Variants in FAM193A observed in about 807,000 individuals in gnomAD.
The protein encoded by FAM193A is protein FAM193A.
Under a neutral mutation model 126.5 loss-of-function variants are expected in FAM193A, and 22 were observed. The ratio of observed to expected loss-of-function variants is 0.17; its 90% CI spans 0.12 to 0.25. The LOEUF (loss-of-function observed/expected upper bound fraction) is 0.25. Among genes scored for constraint, FAM193A ranks in the 10% least tolerant of loss-of-function variants. The pLI is 1.00. For synonymous variants in FAM193A, 761 were observed against 646.8 expected (o/e 1.18, Z -2.68); for missense variants, 1,675 against 1,672.8 (o/e 1.00, Z -0.02).
At chr4:2,580,013 G>C (rs956953430) in intron 1 of FAM193A, among the ~76,000 whole-genome samples, 2 of 152,096 alleles carry the variant, frequency 1.3e-5, no homozygotes, top group Non-Finnish European at 2.9e-5. Context: ...CAATAGCAGA[G>C]ACATGGAATC....
intron 1 of FAM193A, among the ~76,000 whole-genome samples, chr4:2,553,421 G>C (rs1331536470): frequency 1.5e-5 from 2 of 133,766 alleles, no homozygotes; most frequent in Non-Finnish European, 3.1e-5. Flanking sequence ...TCACACTGTC[G>C]CCAGGTTAGA....
intron 1 of FAM193A, among the ~76,000 whole-genome samples, chr4:2,575,527 C>T (rs968450017): frequency 2.1e-5 from 3 of 144,406 alleles, no homozygotes; most frequent in East Asian, 2.0e-4. Flanking sequence ...AGTGCAGTGG[C>T]GCAATCTCGG....
At chr4:2,572,624 TG>T (rs1739358414) in intron 1 of FAM193A, among the ~76,000 whole-genome samples, 1 of 151,876 alleles carries the variant, frequency 6.6e-6, no homozygotes. Flanking sequence ...CAGCCTGGTG[TG>T]GGAGGCGACA....
chr4:2,676,144 G>T (rs1433269593), intron 13 of FAM193A, among the ~76,000 whole-genome samples: 1 of 152,226 alleles, frequency 6.6e-6, no homozygotes, highest in East Asian at 1.9e-4. Context: ...GTACCCGGAA[G>T]TGGAATTGCT....
intron 1 of FAM193A, among the ~76,000 whole-genome samples, chr4:2,571,729 A>G (rs759625955): frequency 1.3e-5 from 2 of 151,856 alleles, no homozygotes; most frequent in East Asian, 4.0e-4. Flanking sequence ...TAGTAGAGAC[A>G]GAGTTTCGCC....
At chr4:2,597,899 C>G (rs896285880) in intron 2 of FAM193A, among the ~76,000 whole-genome samples, 2 of 152,014 alleles carry the variant, frequency 1.3e-5, no homozygotes, top group Non-Finnish European at 2.9e-5. Context: ...CCTCTGGTAA[C>G]CACTCACCTG....
intron 20 of FAM193A, among the ~76,000 whole-genome samples, chr4:2,716,310 T>G (rs1560609279): frequency 6.6e-6 from 1 of 152,206 alleles, no homozygotes. Context: ...CAATCACTTC[T>G]GCTCCCCCTC....
chr4:2,568,903 T>C (rs1168353177), intron 1 of FAM193A, among the ~76,000 whole-genome samples: 2 of 133,166 alleles, frequency 1.5e-5, no homozygotes, highest in African/African-American at 6.7e-5. Flanking sequence ...GGATAAAGAC[T>C]TTAGATCATT....
chr4:2,543,869 C>CAAAAAAAA (rs71178473), intron 1 of FAM193A, among the ~76,000 whole-genome samples: 2 of 71,754 alleles, frequency 2.8e-5, no homozygotes, highest in Non-Finnish European at 4.8e-5. Context: ...GACATTGTCT[C>CAAAAAAAA]AAAAAAAAAA....
intron 1 of FAM193A, among the ~76,000 whole-genome samples, chr4:2,577,411 G>GGTTTTTTTTTGTTTTTTTTTTTT (rs1739650763): frequency 9.8e-6 from 1 of 101,860 alleles, no homozygotes; most frequent in Non-Finnish European, 2.1e-5. Context: ...AATTAAAGTG[G>GGTTTTTTTTTGTTTTTTTTTTTT]TTTTTTTTTT....
At chr4:2,658,805 C>T (rs1439572073) in intron 8 of FAM193A, among the ~76,000 whole-genome samples, 2 of 152,180 alleles carry the variant, frequency 1.3e-5, no homozygotes, top group Admixed American at 6.5e-5. Flanking sequence ...GGCTGAAGTG[C>T]AGTGGCGTGA....
At chr4:2,569,427 A>G (rs748615345) in intron 1 of FAM193A, among the ~76,000 whole-genome samples, 1 of 152,188 alleles carries the variant, frequency 6.6e-6, no homozygotes, top group African/African-American at 2.4e-5. Flanking sequence ...ATCGAATCCT[A>G]TTTATTTTAT....
chr4:2,622,342 G>C (rs1227767604), intron 2 of FAM193A, among the ~76,000 whole-genome samples: 1 of 151,682 alleles, frequency 6.6e-6, no homozygotes, highest in Non-Finnish European at 1.5e-5. Flanking sequence ...GTGATGGCAG[G>C]AGTCCCCAAG....
chr4:2,702,081 A>G (rs1166460233), intron 19 of FAM193A, among the ~76,000 whole-genome samples: 1 of 152,076 alleles, frequency 6.6e-6, no homozygotes, highest in Non-Finnish European at 1.5e-5. Context: ...CCAAATGGTG[A>G]ATTTTCTAAT....
In FAM193A at chr4:2,700,083, A is replaced by G; in HGVS notation, c.3911A>G (p.Asp1304Gly). 1.2e-6 allele frequency: 2 copies of G among 1,613,624 alleles called. No individual in the cohort carries two copies. Among genetic ancestry groups the G allele is most frequent in the Non-Finnish European group, 1.7e-6 (2 of 1,179,944 alleles). ...GCTGCAGACCCCGTCGACACCAGAG[A>G]CTCCAAATTTCTCCTCCCCAAGGAG... Reference protein sequence around the residue: ...GDAADPVDTRDSKFLLPKEVN... With the variant: ...GDAADPVDTRGSKFLLPKEVN... The change falls in exon 19 of 21, where the codon GAC (aspartate) becomes GGC (glycine). Residue 1304 changes from aspartate to glycine, a missense_variant. By Grantham distance (94) the Asp-to-Gly change is moderately conservative (BLOSUM62 -1). Transcript: ENST00000637812.
intron 7 of FAM193A, among the ~76,000 whole-genome samples, chr4:2,656,832 GT>G (rs1711743983): frequency 6.6e-6 from 1 of 152,204 alleles, no homozygotes; most frequent in Non-Finnish European, 1.5e-5. Flanking sequence ...ATGTTACAAA[GT>G]ATCAACTTAT....
intron 1 of FAM193A, among the ~76,000 whole-genome samples, chr4:2,554,624 C>T (rs903349568): frequency 2.8e-4 from 43 of 151,938 alleles, no homozygotes; most frequent in Admixed American, 1.2e-3. Flanking sequence ...CTTCTGTATT[C>T]TTGCTGAGTT....
chr4:2,589,121 CA>C (rs1740386351), intron 1 of FAM193A, among the ~76,000 whole-genome samples: 1 of 152,086 alleles, frequency 6.6e-6, no homozygotes, highest in Non-Finnish European at 1.5e-5. Context: ...TAAGTAGCAT[CA>C]AAACAAATAG....
chr4:2,574,758 A>T (rs946888221), intron 1 of FAM193A, among the ~76,000 whole-genome samples: 1 of 152,258 alleles, frequency 6.6e-6, no homozygotes, highest in Non-Finnish European at 1.5e-5. Flanking sequence ...TTTAAATGAC[A>T]TGAATTAATC....
Sources: gnomAD v4.1 joint callset for allele counts (sites outside exome capture counted in the v4.1 genomes callset) on GRCh38, gnomAD v4.1.1 for gene constraint, MANE v1.5 for transcripts, NCBI Gene and HGNC (gene_info 2026-07-23, HGNC 2026-07-21) for gene names.